DLG2: variants seen among roughly 807,000 people sequenced by gnomAD.
DLG2 encodes the protein discs large MAGUK scaffold protein 2.
A neutral mutation model predicts 132.5 loss-of-function variants in DLG2; 45 were observed. The observed-to-expected ratio is 0.34, with a 90% CI of 0.27 to 0.44. The LOEUF (loss-of-function observed/expected upper bound fraction) is 0.44, where lower values mean the gene tolerates loss of function less well. DLG2 is among the 20% of genes least tolerant of loss of function. The probability of loss-of-function intolerance (pLI) is 1.00; values close to 1 mark genes in which losing one functional copy is unlikely to be tolerated. For missense variants in DLG2, 1,045 were observed against 1,196.9 expected (o/e 0.87, Z 1.87); for synonymous variants, 424 against 419.6 (o/e 1.01, Z -0.13).
chr11:84,173,181 G>T (rs1038392131), intron 8 of DLG2, among the ~76,000 whole-genome samples: 1 of 152,192 alleles, frequency 6.6e-6, no homozygotes, highest in Non-Finnish European at 1.5e-5. Context: ...GGATTTGCCT[G>T]ATTTGGAAGG....
intron 4 of DLG2, among the ~76,000 whole-genome samples, chr11:85,256,591 A>G (rs2152706037): frequency 6.6e-6 from 1 of 152,210 alleles, no homozygotes. Context: ...CCTAGACACT[A>G]CCATGGGGCC....
At chr11:83,949,975 G>A (rs969408159) in intron 14 of DLG2, among the ~76,000 whole-genome samples, 2 of 152,130 alleles carry the variant, frequency 1.3e-5, no homozygotes, top group Non-Finnish European at 1.5e-5. Context: ...CAGATGTTAA[G>A]CCTAATCTAT....
At position 84,075,242 on chromosome 11, in the gene DLG2, C is replaced by T. The variant is rs146294808; in HGVS notation, c.750-15758G>A. Among the ~76,000 whole-genome samples the T allele has an allele frequency of 1.1e-4, 16 of 152,240 alleles. No individual in the cohort carries two copies. In the East Asian group the frequency reaches 2.5e-3, roughly 24 times the overall value. ...TCACTCTGCTTCATTTTCTGCATAGCATTTATTACCATATGATATTTTGTG... is the reference window on the plus strand; with the variant it reads ...TCACTCTGCTTCATTTTCTGCATAGTATTTATTACCATATGATATTTTGTG... On this transcript the variant is annotated intron_variant, in intron 10 of 27. Coordinates refer to ENST00000376104, the MANE Select transcript of DLG2 (RefSeq NM_001142699.3).
chr11:83,684,258 T>C (rs1411890078), intron 18 of DLG2, among the ~76,000 whole-genome samples: 1 of 152,080 alleles, frequency 6.6e-6, no homozygotes. Context: ...CAGAAACTGC[T>C]ATCTTCAAGG....
chr11:84,541,138 T>TATGTAACAAACC (rs2099367635), intron 6 of DLG2, among the ~76,000 whole-genome samples: 1 of 151,926 alleles, frequency 6.6e-6, no homozygotes, highest in Non-Finnish European at 1.5e-5. Context: ...CATGTATACA[T>TATGTAACAAACC]ATGTAACAAA....
chr11:84,139,570 A>G (rs1479412204), intron 9 of DLG2, among the ~76,000 whole-genome samples: 2 of 151,888 alleles, frequency 1.3e-5, no homozygotes, highest in African/African-American at 4.8e-5. Flanking sequence ...TAAGCAGTCT[A>G]TTTTCTATTT....
intron 6 of DLG2, among the ~76,000 whole-genome samples, chr11:84,857,211 A>G (rs2082911934): frequency 6.6e-6 from 1 of 152,032 alleles, no homozygotes; most frequent in Non-Finnish European, 1.5e-5. Context: ...ATCTAGAAGG[A>G]GAAGCAAAGT....
intron 6 of DLG2, among the ~76,000 whole-genome samples, chr11:84,671,282 T>G (rs750530611): frequency 6.6e-5 from 10 of 151,978 alleles, no homozygotes; most frequent in Non-Finnish European, 1.5e-4. Context: ...TAAATTTTTT[T>G]TGTAGAGACA....
At chr11:83,511,260 GCTT>G (rs1252577536) in intron 21 of DLG2, among the ~76,000 whole-genome samples, 1 of 152,138 alleles carries the variant, frequency 6.6e-6, no homozygotes, top group Non-Finnish European at 1.5e-5. Flanking sequence ...TTCCTTCAAT[GCTT>G]CTTCTGCCTG....
At chr11:85,515,380 C>A (rs1165683435) in intron 3 of DLG2, among the ~76,000 whole-genome samples, 1 of 152,028 alleles carries the variant, frequency 6.6e-6, no homozygotes, top group East Asian at 1.9e-4. Flanking sequence ...TAAACTTGGA[C>A]TTTTGTGTCA....
chr11:83,857,724 A>T (rs1489179709), intron 16 of DLG2, among the ~76,000 whole-genome samples: 1 of 152,208 alleles, frequency 6.6e-6, no homozygotes, highest in Non-Finnish European at 1.5e-5. Context: ...CAATTCTAAC[A>T]AATGTACTTC....
intron 7 of DLG2, 74 bp from the exon 8 acceptor site, chr11:84,251,365 T>C: frequency 1.7e-6 from 2 of 1,187,024 alleles, no homozygotes; most frequent in Non-Finnish European, 2.3e-6. Context: ...GTTAACTTAT[T>C]TAACAAAGAG....
intron 7 of DLG2, among the ~76,000 whole-genome samples, chr11:84,276,220 T>C (rs1249334572): frequency 6.6e-6 from 1 of 152,230 alleles, no homozygotes; most frequent in African/African-American, 2.4e-5. Flanking sequence ...TATGTGTTTA[T>C]TCCTCACTGT....
At chr11:84,188,837 A>G (rs1054575614) in intron 8 of DLG2, among the ~76,000 whole-genome samples, 3 of 152,180 alleles carry the variant, frequency 2.0e-5, no homozygotes, top group African/African-American at 7.2e-5. Flanking sequence ...AAGGGAGGAC[A>G]GTCTGTAGCA....
intron 18 of DLG2, among the ~76,000 whole-genome samples, chr11:83,758,419 C>T (rs1409199507): frequency 1.3e-5 from 2 of 152,190 alleles, no homozygotes; most frequent in Non-Finnish European, 2.9e-5. Context: ...TTTTCCATAT[C>T]TTTGCAGTCT....
intron 4 of DLG2, among the ~76,000 whole-genome samples, chr11:85,177,776 G>A (rs2079403620): frequency 6.6e-6 from 1 of 152,052 alleles, no homozygotes; most frequent in African/African-American, 2.4e-5. Context: ...CCTTAACCAA[G>A]TGAACAATGC....
chr11:85,458,766 TCAA>T (rs1033995257), intron 3 of DLG2, among the ~76,000 whole-genome samples: 11 of 152,246 alleles, frequency 7.2e-5, no homozygotes, highest in Non-Finnish European at 1.5e-4. Context: ...AGCCACTTAA[TCAA>T]CAGTGTGGCT....
intron 6 of DLG2, among the ~76,000 whole-genome samples, chr11:84,675,954 C>T (rs1228625484): frequency 6.6e-6 from 1 of 151,812 alleles, no homozygotes; most frequent in African/African-American, 2.4e-5. Flanking sequence ...CCCATACTGG[C>T]CCTTGAGTGG....
At chr11:84,100,303 T>A (rs1156258248) in intron 9 of DLG2, among the ~76,000 whole-genome samples, 1 of 141,974 alleles carries the variant, frequency 7.0e-6, no homozygotes, top group African/African-American at 2.6e-5. Context: ...GATATATATA[T>A]AAAGGATATA....
Sources: allele counts gnomAD v4.1 joint callset (sites outside exome capture counted in the v4.1 genomes callset), GRCh38; gene constraint gnomAD v4.1.1; transcripts MANE v1.5; gene names NCBI Gene and HGNC (gene_info 2026-07-23, HGNC 2026-07-21).